The following TNFSF13B variants were observed in gnomAD, a reference collection of about 807,000 sequenced individuals.
TNFSF13B encodes tumor necrosis factor ligand superfamily member 13B.
TNFSF13B carries 8 observed loss-of-function variants against 29.1 expected under a neutral mutation model. The observed-to-expected ratio is 0.27, with a 90% CI of 0.16 to 0.50. The LOEUF (loss-of-function observed/expected upper bound fraction) is 0.50, where lower values mean the gene tolerates loss of function less well. TNFSF13B is among the 20% of genes least tolerant of loss of function. The pLI, the probability that TNFSF13B is intolerant of heterozygous loss-of-function variation, is 0.98. For synonymous variants in TNFSF13B, 125 were observed against 130.8 expected, an observed-to-expected ratio of 0.96 and a Z score of 0.30; for missense variants, 248 against 334.9, an observed-to-expected ratio of 0.74 and a Z score of 2.03.
chr13:108,284,332 AAATAAATAAATAAATAAATAAATG>A (rs1881055915), intron 2 of TNFSF13B, among the ~76,000 whole-genome samples: 1 of 122,480 alleles, frequency 8.2e-6, no homozygotes. Flanking sequence ...CCGTCTCAAA[AAATAAATAAATAAATAAATAAATG>A]AATAAATAAA....
intron 3 of TNFSF13B, among the ~76,000 whole-genome samples, chr13:108,300,931 C>T (rs546008853): frequency 7.9e-5 from 12 of 152,178 alleles, no homozygotes; most frequent in Non-Finnish European, 1.6e-4. Context: ...TTTCCTCCCT[C>T]TGTCTATGGT....
intron 3 of TNFSF13B, among the ~76,000 whole-genome samples, chr13:108,293,026 G>A (rs1359873266): frequency 6.6e-6 from 1 of 152,062 alleles, no homozygotes; most frequent in Admixed American, 6.6e-5. Context: ...TCACCCATAT[G>A]TTTTCTTCTA....
At position 108,307,524 on chromosome 13, in the gene TNFSF13B, A is replaced by G. The variant is rs966380658; in HGVS notation, c.*586A>G. ...AACAATTTTGCTGAAAATAGTATCC[A>G]TATACTATTTAAGTCTTTTATGGTT... On this transcript the variant is annotated 3_prime_UTR_variant, in exon 6 of 6. Coordinates refer to ENST00000375887, the MANE Select transcript of TNFSF13B (RefSeq NM_006573.5). 6.6e-6 allele frequency: 1 copy of G among 152,184 alleles called. No individual in the cohort carries two copies. The highest frequency in any genetic ancestry group is 1.5e-5 in the Non-Finnish European group (1 of 68,038). The allele number at this position is 152,184 out of a possible 1,614,324, so 9.4% of individuals were successfully genotyped here.
chr13:108,285,327 T>G (rs1881094809), intron 2 of TNFSF13B, among the ~76,000 whole-genome samples: 1 of 152,220 alleles, frequency 6.6e-6, no homozygotes, highest in African/African-American at 2.4e-5. Context: ...TACATTCATG[T>G]GTTGCTTAAT....
Position 108,307,392 on chromosome 13 carries a change from G to T in TNFSF13B, c.*454G>T, listed in dbSNP as rs185198828. 5.3e-4 allele frequency: 80 copies of T among 152,256 alleles called. 1 individual carries two copies. In the Middle Eastern group the frequency reaches 0.017, roughly 33 times the overall value. The allele number at this position is 152,256 out of a possible 1,614,324, so 9.4% of individuals were successfully genotyped here. A position where few individuals can be genotyped will look rare whatever the true frequency, so the allele number is the denominator to read the frequency against. ...TTCATCTTCTGTTTTTATGTTAAAT[G>T]CACTCCCTCCTTTTCAGTTAACATT... On this transcript the variant is annotated 3_prime_UTR_variant, in exon 6 of 6. Coordinates refer to ENST00000375887, the MANE Select transcript of TNFSF13B (RefSeq NM_006573.5).
intron 2 of TNFSF13B, among the ~76,000 whole-genome samples, chr13:108,285,975 G>A (rs960568067): frequency 4.6e-5 from 7 of 152,138 alleles, no homozygotes; most frequent in Non-Finnish European, 1.0e-4. Context: ...TTAACACAAT[G>A]TTATTTAGTT....
At position 108,270,204 on chromosome 13, in the gene TNFSF13B, G is replaced by A; in HGVS notation, c.309G>A (p.Glu103=). 1 of 1,603,052 alleles carries A rather than the reference G, an allele frequency of 6.2e-7. No homozygotes were observed. The highest frequency in any genetic ancestry group is 8.5e-7 in the Non-Finnish European group (1 of 1,178,548). Residue 103 remains glutamate, a synonymous_variant, in exon 1 of 6, where the codon GAG becomes GAA. Coordinates refer to ENST00000375887, the MANE Select transcript of TNFSF13B (RefSeq NM_006573.5). ...CAGGAGCCCCCAAGGCCGGCCTGGA[G>A]GAAGCTCCAGCTGTCACCGCGGGAC... is the stretch of plus-strand genomic sequence containing the variant. The part of the protein sequence containing the change: ...AGAGAPKAGL[E]EAPAVTAGLK...
intron 2 of TNFSF13B, among the ~76,000 whole-genome samples, chr13:108,285,336 A>G (rs1402221208): frequency 6.6e-6 from 1 of 152,180 alleles, no homozygotes; most frequent in Non-Finnish European, 1.5e-5. Flanking sequence ...GTGTTGCTTA[A>G]TAACAGGGAT....
At chr13:108,293,508 A>C (rs1870716118) in intron 3 of TNFSF13B, among the ~76,000 whole-genome samples, 1 of 152,212 alleles carries the variant, frequency 6.6e-6, no homozygotes, top group South Asian at 2.1e-4. Context: ...ATCTGTACAT[A>C]ATACTGAGTA....
In TNFSF13B at chr13:108,297,836, A is replaced by C. The variant is rs566034794; in HGVS notation, c.482-5417A>C. ...TATATCATTATCATCCAGAGTCCACAGTTTACATTAGGGTTCACCTTAATG... is the reference window on the plus strand; with the variant it reads ...TATATCATTATCATCCAGAGTCCACCGTTTACATTAGGGTTCACCTTAATG... On this transcript the variant is annotated intron_variant, in intron 3 of 5. Coordinates refer to ENST00000375887, the MANE Select transcript of TNFSF13B (RefSeq NM_006573.5). Among the ~76,000 whole-genome samples, 3 of 145,582 alleles carry C rather than the reference A, an allele frequency of 2.1e-5. 1 individual carries two copies. In the East Asian group the frequency reaches 5.8e-4, roughly 28 times the overall value.
Position 108,296,247 on chromosome 13 carries a change from A to G in TNFSF13B, c.482-7006A>G, listed in dbSNP as rs548162474. On this transcript the variant is annotated intron_variant, in intron 3 of 5. Coordinates refer to ENST00000375887, the MANE Select transcript of TNFSF13B (RefSeq NM_006573.5). ...TCTATTTCTCCTTTCGGTTCAGCCA[A>G]TATCTGCTTATATCTTGAGGTTCTG... 7.5e-5 allele frequency among the ~76,000 whole-genome samples: 11 copies of G among 145,842 alleles called. 1 individual carries two copies. The highest frequency in any genetic ancestry group is 1.9e-4 in the East Asian group (1 of 5,174).
intron 2 of TNFSF13B, among the ~76,000 whole-genome samples, chr13:108,277,673 T>A (rs1398186181): frequency 6.6e-6 from 1 of 152,176 alleles, no homozygotes. Flanking sequence ...TTTTTATGGC[T>A]ATTTCTTGAT....
intron 2 of TNFSF13B, 148 bp downstream of exon 2, chr13:108,270,572 A>G: frequency 1.3e-6 from 1 of 771,518 alleles, no homozygotes; most frequent in South Asian, 1.8e-5. Context: ...CTTTAGAGCA[A>G]AGCCCCAGCG....
intron 2 of TNFSF13B, among the ~76,000 whole-genome samples, chr13:108,281,470 T>A (rs1179158087): frequency 6.6e-6 from 1 of 152,186 alleles, no homozygotes; most frequent in East Asian, 1.9e-4. Flanking sequence ...ACAATGTATC[T>A]TAGATGCTGC....
intron 2 of TNFSF13B, among the ~76,000 whole-genome samples, chr13:108,281,321 T>G (rs1880947758): frequency 6.6e-6 from 1 of 152,188 alleles, no homozygotes. Context: ...TTTTTTCTAT[T>G]CTATCAACTC....
At position 108,270,056 on chromosome 13, in the gene TNFSF13B, T is replaced by C; in HGVS notation, c.161T>C (p.Leu54Pro). The C allele has an allele frequency of 1.2e-6, 2 of 1,609,856 alleles. No homozygotes were observed. Among genetic ancestry groups the C allele is most frequent in the Non-Finnish European group, 1.7e-6 (2 of 1,179,982 alleles). Residue 54 changes from leucine to proline, a missense_variant, in exon 1 of 6, where the codon CTG becomes CCG. Physicochemically the swap from Leu to Pro is moderately conservative, Grantham distance 98. Transcript: ENST00000375887. The part of the protein sequence containing the change: ...DGKLLAATLL[L>P]ALLSCCLTVV... ...AAGCTGCTGGCTGCAACCTTGCTGC[T>C]GGCACTGCTGTCTTGCTGCCTCACG...
chr13:108,275,321 T>TAA (rs1880733983), intron 2 of TNFSF13B, among the ~76,000 whole-genome samples: 1 of 152,120 alleles, frequency 6.6e-6, no homozygotes, highest in Non-Finnish European at 1.5e-5. Context: ...ATGAATGTCT[T>TAA]TAGAGTCTAT....
At chr13:108,291,017 A>C (rs12859333) in intron 3 of TNFSF13B, among the ~76,000 whole-genome samples, 1 of 151,780 alleles carries the variant, frequency 6.6e-6, no homozygotes, top group African/African-American at 2.4e-5. Context: ...CTGCTTGAAG[A>C]CATTAACTTT....
intron 3 of TNFSF13B, among the ~76,000 whole-genome samples, chr13:108,302,154 G>A (rs1881644669): frequency 6.6e-6 from 1 of 152,044 alleles, no homozygotes; most frequent in South Asian, 2.1e-4. Flanking sequence ...CTAGCCTATT[G>A]TCTGTTGTGG....
Sources: allele counts gnomAD v4.1 joint callset (sites outside exome capture counted in the v4.1 genomes callset), GRCh38; gene constraint gnomAD v4.1.1; transcripts MANE v1.5; gene names NCBI Gene and HGNC (gene_info 2026-07-23, HGNC 2026-07-21).